PRKAG2: variants seen among roughly 807,000 people sequenced by gnomAD.
PRKAG2 encodes the protein 5'-AMP-activated protein kinase subunit gamma-2.
PRKAG2 carries 26 observed loss-of-function variants against 69.6 expected under a neutral mutation model. That is an observed-to-expected ratio of 0.37 (90% CI 0.27 to 0.52). The LOEUF (loss-of-function observed/expected upper bound fraction) is 0.52, where lower values mean the gene tolerates loss of function less well. Ranked by LOEUF, PRKAG2 falls within the 20% of genes least tolerant of loss-of-function variation. The probability of loss-of-function intolerance (pLI) is 0.90; values close to 1 mark genes in which losing one functional copy is unlikely to be tolerated. For missense variants in PRKAG2, 557 were observed against 740.0 expected (o/e 0.75, Z 2.87); for synonymous variants, 293 against 285.0 (o/e 1.03, Z -0.28).
chr7:151,825,974 G>A (rs1271603348), intron 1 of PRKAG2, among the ~76,000 whole-genome samples: 1 of 152,170 alleles, frequency 6.6e-6, no homozygotes, highest in Non-Finnish European at 1.5e-5. Context: ...GGTTTACCCA[G>A]GACTGTGTGG....
Position 151,854,972 on chromosome 7 carries a change from ACACACACCATGC to A in PRKAG2, c.114+21523_114+21534del, listed in dbSNP as rs2079672177. Among the ~76,000 whole-genome samples, 4 of 33,900 alleles carry A rather than the reference ACACACACCATGC, an allele frequency of 1.2e-4. No individual in the cohort carries two copies. In the South Asian group the frequency reaches 2.4e-3, roughly 20 times the overall value. 22.2% of individuals were successfully genotyped at this position (33,900 alleles called of 152,430 possible). A position where few individuals can be genotyped will look rare whatever the true frequency, so the allele number is the denominator to read the frequency against. On this transcript the variant is annotated intron_variant, in intron 1 of 15. Transcript: ENST00000287878. Reference sequence around the variant, plus strand: ...CACCACTCTCCACATACCACCCTCCACACACACCATGCTCCACACACACCATGCTCCACACAC... The same window carrying A: ...CACCACTCTCCACATACCACCCTCCATCCACACACACCATGCTCCACACAC...
Position 151,580,645 on chromosome 7 carries a change from C to T in PRKAG2, c.865-4193G>A, listed in dbSNP as rs547556503. On this transcript the variant is annotated intron_variant, in intron 6 of 15. Coordinates refer to ENST00000287878, the MANE Select transcript of PRKAG2 (RefSeq NM_016203.4). The stretch of plus-strand genomic sequence containing the variant: ...GATGGAAAGTAGTAAGTCAAAGATG[C>T]TATGTAATCTGTAAGACAGCCTCTG... 1.2e-3 allele frequency among the ~76,000 whole-genome samples: 190 copies of T among 152,160 alleles called. 2 individuals carry two copies. The highest frequency in any genetic ancestry group is 3.5e-3 in the Admixed American group (53 of 15,268).
At chr7:151,621,117 T>C (rs1317542566) in intron 5 of PRKAG2, among the ~76,000 whole-genome samples, 1 of 152,248 alleles carries the variant, frequency 6.6e-6, no homozygotes. Flanking sequence ...AGTGTTTGTT[T>C]AGGAGCTTTG....
In PRKAG2 at chr7:151,807,701, C is replaced by T. The variant is rs2151847531; in HGVS notation, c.115-21160G>A. The T allele has an allele frequency of 2.3e-6, 1 of 428,730 alleles. No homozygotes were observed. The highest frequency in any genetic ancestry group is 1.7e-5 in the South Asian group (1 of 60,278). 26.6% of individuals were successfully genotyped at this position (428,730 alleles called of 1,614,324 possible). ...CGTTTCCACTGCCTATTCCCGGGCC[C>T]CTCACTTGGGTCAAGGCAGCATTTC... is the stretch of plus-strand genomic sequence containing the variant. On this transcript the variant is annotated intron_variant, in intron 1 of 15. Transcript: ENST00000287878. This position sits in a 1 kb window ranked among gnomAD's most constrained non-coding sequence, Gnocchi z 4.4.
At position 151,632,423 on chromosome 7, in the gene PRKAG2, G is replaced by C. The variant is rs1202545437; in HGVS notation, c.685-285C>G. The stretch of plus-strand genomic sequence containing the variant: ...CGCCTTGGTACGGCCCGCCCGGGAG[G>C]AAGCGTGGGAAGGGACCCGGGAGCT... On this transcript the variant is annotated intron_variant, in intron 4 of 15. Coordinates refer to ENST00000287878, the MANE Select transcript of PRKAG2 (RefSeq NM_016203.4). The surrounding 1 kb of genome is among the most constrained non-coding windows in gnomAD (Gnocchi z 4.2). 4 of 527,708 alleles carry C rather than the reference G, an allele frequency of 7.6e-6. No individual in the cohort carries two copies. Among genetic ancestry groups the C allele is most frequent in the Non-Finnish European group, 9.7e-6 (4 of 412,978 alleles). The allele number at this position is 527,708 out of a possible 1,614,324, so 32.7% of individuals were successfully genotyped here. A position where few individuals can be genotyped will look rare whatever the true frequency, so the allele number is the denominator to read the frequency against.
In PRKAG2 at chr7:151,632,645, G is replaced by A. The variant is rs913516708; in HGVS notation, c.685-507C>T. ...GGGCTCCGCGGCGCGGGGAGGGGGA[G>A]AGGGGCTGGAGGCTGCAGAACGCCC... On this transcript the variant is annotated intron_variant, in intron 4 of 15. Coordinates refer to ENST00000287878, the MANE Select transcript of PRKAG2 (RefSeq NM_016203.4). The surrounding 1 kb of genome is among the most constrained non-coding windows in gnomAD (Gnocchi z 4.2). 1.0e-6 allele frequency: 1 copy of A among 979,942 alleles called. No homozygotes were observed. The highest frequency in any genetic ancestry group is 1.8e-5 in the African/African-American group (1 of 57,040). The allele number at this position is 979,942 out of a possible 1,614,324, so 60.7% of individuals were successfully genotyped here.
chr7:151,840,223 G>T (rs1460310507), intron 1 of PRKAG2, among the ~76,000 whole-genome samples: 1 of 152,172 alleles, frequency 6.6e-6, no homozygotes, highest in Non-Finnish European at 1.5e-5. Context: ...TTGAAAAGGT[G>T]CCTGGACAGC....
intron 1 of PRKAG2, among the ~76,000 whole-genome samples, chr7:151,841,083 G>A (rs910810763): frequency 5.9e-5 from 9 of 152,200 alleles, no homozygotes; most frequent in Non-Finnish European, 1.2e-4. Context: ...TGGCCTCCTG[G>A]ATTCAAACAA....
chr7:151,784,222 A>G (rs1011067818), intron 2 of PRKAG2, among the ~76,000 whole-genome samples: 8 of 151,992 alleles, frequency 5.3e-5, no homozygotes, highest in Admixed American at 3.3e-4. Context: ...GGAGGACCGG[A>G]GGGAGGGGTG....
At chr7:151,839,868 AGCAGAGGAAGCTGAGCAGGGCG>A (rs993795306) in intron 1 of PRKAG2, among the ~76,000 whole-genome samples, 38 of 152,328 alleles carry the variant, frequency 2.5e-4, no homozygotes, top group Non-Finnish European at 3.4e-4. Context: ...CAGGAGCCAC[AGCAGAGGAAGCTGAGCAGGGCG>A]GCAGAGGAAG....
chr7:151,736,529 A>G, intron 3 of PRKAG2: 2 of 502,764 alleles, frequency 4.0e-6, no homozygotes, highest in Non-Finnish European at 2.6e-6. Context: ...TGGGCAGACA[A>G]TTCTTGGCAC....
At chr7:151,801,635 A>G (rs2077844619) in intron 1 of PRKAG2, among the ~76,000 whole-genome samples, 1 of 152,202 alleles carries the variant, frequency 6.6e-6, no homozygotes, top group African/African-American at 2.4e-5. Flanking sequence ...ATGAACCTAA[A>G]CAAGGGAATT....
intron 5 of PRKAG2, among the ~76,000 whole-genome samples, chr7:151,616,014 C>A (rs1327689730): frequency 6.6e-6 from 1 of 152,236 alleles, no homozygotes. Context: ...TCACCCACAC[C>A]AGCTCCTGTA....
chr7:151,829,751 C>T (rs928590212), intron 1 of PRKAG2, among the ~76,000 whole-genome samples: 3 of 151,892 alleles, frequency 2.0e-5, no homozygotes, highest in African/African-American at 7.2e-5. Flanking sequence ...CATTTCGTTA[C>T]GTGAAAGAAG....
At chr7:151,559,804 T>C (rs1277919389) in intron 15 of PRKAG2, 15 of 985,190 alleles carry the variant, frequency 1.5e-5, no homozygotes, top group Non-Finnish European at 1.8e-5. Flanking sequence ...AAAGGCTGGG[T>C]TGTTCATATT....
chr7:151,795,171 T>TG (rs2151829778), intron 1 of PRKAG2, among the ~76,000 whole-genome samples: 1 of 151,360 alleles, frequency 6.6e-6, no homozygotes, highest in East Asian at 1.9e-4. Context: ...GGAGGGAGAG[T>TG]GGGGGGCAGG....
At chr7:151,727,562 G>T (rs1798193321) in intron 3 of PRKAG2, among the ~76,000 whole-genome samples, 1 of 152,228 alleles carries the variant, frequency 6.6e-6, no homozygotes, top group Admixed American at 6.5e-5. Context: ...AGACGCAGGG[G>T]TTTGCTCCTT....
At chr7:151,648,053 C>T (rs1014968625) in intron 4 of PRKAG2, among the ~76,000 whole-genome samples, 5 of 151,768 alleles carry the variant, frequency 3.3e-5, no homozygotes, top group Non-Finnish European at 5.9e-5. Context: ...TCAGCTATTA[C>T]AAGGCTGTCC....
At chr7:151,727,691 A>G (rs1421887070) in intron 3 of PRKAG2, among the ~76,000 whole-genome samples, 1 of 140,138 alleles carries the variant, frequency 7.1e-6, no homozygotes, top group East Asian at 2.6e-4. Context: ...TGATCAAAAC[A>G]GGGCTGGCCA....
Sources: gnomAD v4.1 joint callset for allele counts (sites outside exome capture counted in the v4.1 genomes callset) on GRCh38, gnomAD v4.1.1 for gene constraint, Gnocchi (gnomAD v3.1) non-coding constraint, MANE v1.5 for transcripts, NCBI Gene and HGNC (gene_info 2026-07-23, HGNC 2026-07-21) for gene names.